NREP: variants seen among roughly 807,000 people sequenced by gnomAD.
The protein encoded by NREP is neuronal regeneration-related protein.
NREP carries 5 observed loss-of-function variants against 8.6 expected under a neutral mutation model. That is an observed-to-expected ratio of 0.58 (90% confidence interval 0.30 to 1.22). The LOEUF is 1.22. Ranked by LOEUF, NREP falls within the 50% of genes most tolerant of loss-of-function variation. The pLI, the probability that NREP is intolerant of heterozygous loss-of-function variation, is 0.07. For missense variants in NREP, 86 were observed against 82.5 expected, an observed-to-expected ratio of 1.04 and a Z score of -0.17; for synonymous variants, 27 against 28.0, an observed-to-expected ratio of 0.96 and a Z score of 0.11.
At chr5:111,972,023 T>TA (rs1298815726) in intron 2 of NREP, among the ~76,000 whole-genome samples, 1 of 151,942 alleles carries the variant, frequency 6.6e-6, no homozygotes, top group Non-Finnish European at 1.5e-5. Context: ...AAAAAATGTA[T>TA]AAAAAACTCA....
At position 111,777,487 on chromosome 5, in the gene NREP, C is replaced by T. The variant is rs79729927; in HGVS notation, c.136-41980G>A. Among the ~76,000 whole-genome samples the T allele has an allele frequency of 7.7e-3, 1,164 of 151,938 alleles. 15 individuals carry two copies. Among genetic ancestry groups the T allele is most frequent in the African/African-American group, 0.027 (1,109 of 41,436 alleles). On this transcript the variant is annotated intron_variant, in intron 2 of 3. Coordinates refer to the NREP transcript ENST00000395634. ...ATGTTACAATTTAAATTGTGTACTG[C>T]GTGCATGTAAAAACACACAAATTTC...
intron 2 of NREP, among the ~76,000 whole-genome samples, chr5:111,833,096 ACT>A: frequency 6.6e-6 from 1 of 152,270 alleles, no homozygotes; most frequent in Middle Eastern, 3.4e-3. Flanking sequence ...TCTTTAAAAC[ACT>A]GTTTTGTACC....
At chr5:111,965,055 T>C (rs564674045) in intron 2 of NREP, among the ~76,000 whole-genome samples, 135 of 152,174 alleles carry the variant, frequency 8.9e-4, no homozygotes, top group African/African-American at 3.0e-3. Flanking sequence ...CACTGTGCCA[T>C]CCTTAGGGTC....
In NREP at chr5:111,923,082, T is replaced by C. The variant is rs140556814; in HGVS notation, c.135+52192A>G. Among the ~76,000 whole-genome samples the C allele has an allele frequency of 1.6e-3, 247 of 152,230 alleles. 1 individual carries two copies. The highest frequency in any genetic ancestry group is 6.8e-3 in the Middle Eastern group (2 of 294). On this transcript the variant is annotated intron_variant, in intron 2 of 3. Coordinates refer to the NREP transcript ENST00000395634. ...TATTTCATGGGAGACCCATTAGGAG[T>C]GAGAAACTGTCTCTCCTTCCAATTG... is the stretch of plus-strand genomic sequence containing the variant.
chr5:111,789,656 T>C (rs574946979), intron 2 of NREP, among the ~76,000 whole-genome samples: 95 of 152,328 alleles, frequency 6.2e-4, no homozygotes, highest in African/African-American at 2.1e-3. Flanking sequence ...GTTGCTCTCA[T>C]TGTACTTTCA....
intron 3 of NREP, chr5:111,731,937 T>A (rs1019377533): frequency 6.6e-6 from 1 of 152,418 alleles, no homozygotes; most frequent in Non-Finnish European, 1.5e-5. Flanking sequence ...ACAATACAGG[T>A]ATTCATTTAC....
intron 3 of NREP, among the ~76,000 whole-genome samples, chr5:111,731,515 C>A (rs776056905): frequency 6.6e-6 from 1 of 150,974 alleles, no homozygotes; most frequent in East Asian, 1.9e-4. Context: ...TATTTAAAAA[C>A]GTATCTCAAC....
At chr5:111,806,951 C>G (rs1398425027) in intron 2 of NREP, among the ~76,000 whole-genome samples, 1 of 152,030 alleles carries the variant, frequency 6.6e-6, no homozygotes, top group Non-Finnish European at 1.5e-5. Flanking sequence ...CCTGCCTAGA[C>G]CTCCAGGGAG....
chr5:111,968,704 T>C (rs1756716005), intron 2 of NREP, among the ~76,000 whole-genome samples: 1 of 152,226 alleles, frequency 6.6e-6, no homozygotes, highest in Non-Finnish European at 1.5e-5. Flanking sequence ...GTGTGATGCA[T>C]GCCCTAGCCC....
chr5:111,870,734 C>G (rs1161142694), intron 2 of NREP, among the ~76,000 whole-genome samples: 1 of 152,008 alleles, frequency 6.6e-6, no homozygotes, highest in East Asian at 1.9e-4. Context: ...AAGAGAGAGA[C>G]ACACAGGAAA....
intron 2 of NREP, among the ~76,000 whole-genome samples, chr5:111,821,132 C>T (rs1479377375): frequency 6.6e-6 from 1 of 152,202 alleles, no homozygotes; most frequent in Non-Finnish European, 1.5e-5. Context: ...CCCAGGGCCA[C>T]TGCTCTGCAA....
chr5:111,854,154 G>A (rs1581167027), intron 2 of NREP, among the ~76,000 whole-genome samples: 1 of 138,672 alleles, frequency 7.2e-6, no homozygotes, highest in Admixed American at 6.8e-5. Flanking sequence ...AAACAAACAA[G>A]AAAAATGTAG....
At chr5:111,972,781 C>A (rs1225367070) in intron 2 of NREP, among the ~76,000 whole-genome samples, 4 of 152,222 alleles carry the variant, frequency 2.6e-5, no homozygotes, top group Non-Finnish European at 4.4e-5. Flanking sequence ...GGATCCCAGA[C>A]TGCCTAAGGC....
At position 111,874,282 on chromosome 5, in the gene NREP, C is replaced by T. The variant is rs79519886; in HGVS notation, c.135+100992G>A. On this transcript the variant is annotated intron_variant, in intron 2 of 3. Coordinates refer to the NREP transcript ENST00000395634. ...CTTGTATTAACACTGTATGTGTGCT[C>T]TATGGTAAAACTAAGAACTCAATCT... Among the ~76,000 whole-genome samples, 35 of 152,210 alleles carry T rather than the reference C, an allele frequency of 2.3e-4. No individual in the cohort carries two copies. The East Asian group carries it at 6.6e-3, about 29-fold the overall frequency.
chr5:111,774,745 G>A (rs73223660), intron 2 of NREP, among the ~76,000 whole-genome samples: 6,003 of 152,228 alleles, frequency 0.039, 369 homozygotes, highest in African/African-American at 0.14. Flanking sequence ...ATTTAGAAGT[G>A]GATTAACTGC....
chr5:111,886,771 A>G (rs1754260610), intron 2 of NREP, among the ~76,000 whole-genome samples: 1 of 150,628 alleles, frequency 6.6e-6, no homozygotes, highest in South Asian at 2.1e-4. Context: ...GAACTGAACA[A>G]TGAGACCACA....
At chr5:111,778,339 G>T (rs6896265) in intron 2 of NREP, among the ~76,000 whole-genome samples, 1 of 152,200 alleles carries the variant, frequency 6.6e-6, no homozygotes, top group Non-Finnish European at 1.5e-5. Context: ...AGTGTTAAAT[G>T]TCCACAACAT....
At position 111,888,791 on chromosome 5, in the gene NREP, A is replaced by C. The variant is rs370079440; in HGVS notation, c.135+86483T>G. 4.6e-5 allele frequency among the ~76,000 whole-genome samples: 7 copies of C among 152,302 alleles called. No individual in the cohort carries two copies. The South Asian group carries it at 1.4e-3, about 32-fold the overall frequency. ...AATGCACTGAAAAGGAGATGGATTGAGCTGTATTTCAAATGCTGGATTAAA... is the reference window on the plus strand; with the variant it reads ...AATGCACTGAAAAGGAGATGGATTGCGCTGTATTTCAAATGCTGGATTAAA... On this transcript the variant is annotated intron_variant, in intron 2 of 3. Coordinates refer to the NREP transcript ENST00000395634.
chr5:111,745,636 C>G (rs1322975897), intron 2 of NREP, among the ~76,000 whole-genome samples: 1 of 152,130 alleles, frequency 6.6e-6, no homozygotes, highest in Non-Finnish European at 1.5e-5. Flanking sequence ...TTCACTATAA[C>G]TTTGCTTTTC....
Sources: gnomAD v4.1 joint callset for allele counts (sites outside exome capture counted in the v4.1 genomes callset) on GRCh38, gnomAD v4.1.1 for gene constraint, MANE v1.5 for transcripts, NCBI Gene and HGNC (gene_info 2026-07-23, HGNC 2026-07-21) for gene names.